The following SATB2 variants were observed in gnomAD, a reference collection of about 807,000 sequenced individuals.
SATB2 encodes SATB homeobox 2, also known as DNA-binding protein SATB2.
A neutral mutation model predicts 73.4 loss-of-function variants in SATB2; 1 was observed. The observed-to-expected ratio is 0.01, with a 90% CI of 0.00 to 0.06. The LOEUF (loss-of-function observed/expected upper bound fraction) is 0.06. SATB2 is among the 10% of genes least tolerant of loss of function. The pLI is 1.00. For synonymous variants in SATB2, 397 were observed against 367.0 expected (o/e 1.08, Z -0.93); for missense variants, 459 against 945.8 (o/e 0.49, Z 6.75).
At chr2:199,363,054 C>T (rs1008336743) in intron 6 of SATB2, among the ~76,000 whole-genome samples, 12 of 152,046 alleles carry the variant, frequency 7.9e-5, no homozygotes, top group Admixed American at 2.6e-4. Flanking sequence ...ATATTCAGCC[C>T]AACAAAGCAG....
chr2:199,321,715 T>C (rs578260358), intron 9 of SATB2, among the ~76,000 whole-genome samples: 2 of 152,218 alleles, frequency 1.3e-5, no homozygotes, highest in South Asian at 4.1e-4. Context: ...TGAATATCTT[T>C]TGTTAAATTG....
chr2:199,380,328 CT>C, intron 5 of SATB2, 35 bp downstream of exon 5: 3 of 1,613,738 alleles, frequency 1.9e-6, no homozygotes, highest in Non-Finnish European at 2.5e-6. Context: ...CCAATGGCTT[CT>C]TCTGTTTCCC....
chr2:199,421,968 T>C (rs188531435), intron 3 of SATB2, among the ~76,000 whole-genome samples: 1 of 152,226 alleles, frequency 6.6e-6, no homozygotes, highest in African/African-American at 2.4e-5. Context: ...GCTGGGTATA[T>C]AGTATCTGCA....
intron 10 of SATB2, among the ~76,000 whole-genome samples, chr2:199,278,938 T>C (rs1054452193): frequency 2.6e-5 from 4 of 152,196 alleles, no homozygotes; most frequent in South Asian, 2.1e-4. Context: ...ATTTATGGAG[T>C]ATCTACAATA....
intron 3 of SATB2, among the ~76,000 whole-genome samples, chr2:199,389,348 G>T (rs1690055803): frequency 6.6e-6 from 1 of 151,930 alleles, no homozygotes; most frequent in Admixed American, 6.6e-5. Flanking sequence ...CAACTGGCTT[G>T]CATTGGGGTA....
At chr2:199,408,715 G>A (rs559316521) in intron 3 of SATB2, among the ~76,000 whole-genome samples, 329 of 151,160 alleles carry the variant, frequency 2.2e-3, no homozygotes, top group African/African-American at 7.8e-3. Flanking sequence ...GGGAGGGCAT[G>A]ATCTTAGTTT....
At chr2:199,292,095 G>A (rs1437382622) in intron 10 of SATB2, among the ~76,000 whole-genome samples, 1 of 151,878 alleles carries the variant, frequency 6.6e-6, no homozygotes, top group Non-Finnish European at 1.5e-5. Context: ...CACTTCATAG[G>A]GCAGAAAGAG....
intron 7 of SATB2, among the ~76,000 whole-genome samples, chr2:199,341,326 C>G (rs1688499992): frequency 6.6e-6 from 1 of 152,194 alleles, no homozygotes; most frequent in Non-Finnish European, 1.5e-5. Context: ...AAACCTGATA[C>G]AGCTGCTTAT....
At chr2:199,413,005 CAG>C (rs1266903596) in intron 3 of SATB2, among the ~76,000 whole-genome samples, 1 of 152,140 alleles carries the variant, frequency 6.6e-6, no homozygotes, top group East Asian at 1.9e-4. Flanking sequence ...TAGTTGGTAA[CAG>C]AAAACACCAG....
At chr2:199,332,592 T>C (rs899583159) in intron 7 of SATB2, among the ~76,000 whole-genome samples, 1 of 152,166 alleles carries the variant, frequency 6.6e-6, no homozygotes, top group Non-Finnish European at 1.5e-5. Context: ...TTGAGGCTAA[T>C]TTTTAAATGA....
intron 7 of SATB2, 120 bp from the exon 8 acceptor site, chr2:199,329,030 C>A: frequency 1.3e-6 from 1 of 757,980 alleles, no homozygotes; most frequent in East Asian, 2.7e-5. Flanking sequence ...ATGTCAAGAA[C>A]CTCACACTAA....
chr2:199,452,908 G>A (rs1283895400), intron 2 of SATB2, among the ~76,000 whole-genome samples: 1 of 151,988 alleles, frequency 6.6e-6, no homozygotes. Flanking sequence ...GAAAGACAAA[G>A]CAAAACATCT....
intron 3 of SATB2, among the ~76,000 whole-genome samples, chr2:199,412,319 T>C (rs1690845207): frequency 6.6e-6 from 1 of 152,176 alleles, no homozygotes; most frequent in South Asian, 2.1e-4. Context: ...AGCACTTCTG[T>C]ATTACAAACA....
intron 2 of SATB2, among the ~76,000 whole-genome samples, chr2:199,437,748 T>C (rs1266984570): frequency 2.0e-5 from 3 of 152,248 alleles, no homozygotes; most frequent in Non-Finnish European, 4.4e-5. Context: ...CAATGGAATC[T>C]ATTTGTTTTC....
chr2:199,320,370 G>T (rs1475896961), intron 9 of SATB2, among the ~76,000 whole-genome samples: 4 of 152,046 alleles, frequency 2.6e-5, no homozygotes, highest in Non-Finnish European at 5.9e-5. Flanking sequence ...CACTAAACTG[G>T]TCCTAAATAG....
chr2:199,302,576 C>G (rs1687316060), intron 10 of SATB2, among the ~76,000 whole-genome samples: 1 of 152,172 alleles, frequency 6.6e-6, no homozygotes. Context: ...TCATTTGCAT[C>G]TCTCCTCAGG....
In SATB2 at chr2:199,272,713, A is replaced by AT. The variant is rs1161387095; in HGVS notation, c.1741-42dup. 2 of 1,565,380 alleles carry AT rather than the reference A, an allele frequency of 1.3e-6. No individual in the cohort carries two copies. The highest frequency in any genetic ancestry group is 1.8e-6 in the Non-Finnish European group (2 of 1,135,800). ...GAAAAAAATGAACACTGGACTCATG[A>AT]TTTTACCTTTCCAAAACCATCAGCC... On this transcript the variant is annotated intron_variant, in intron 10 of 10. Coordinates refer to ENST00000417098, the MANE Select transcript of SATB2 (RefSeq NM_001172509.2). The surrounding 1 kb of genome is among the most constrained non-coding windows in gnomAD (Gnocchi z 6.7).
chr2:199,293,423 G>A (rs978979582), intron 10 of SATB2, among the ~76,000 whole-genome samples: 3 of 151,936 alleles, frequency 2.0e-5, no homozygotes, highest in South Asian at 4.1e-4. Context: ...AAAAGGTATC[G>A]AATGTTTGAC....
chr2:199,370,256 T>C (rs934707441), intron 5 of SATB2, among the ~76,000 whole-genome samples: 24 of 152,206 alleles, frequency 1.6e-4, no homozygotes, highest in African/African-American at 5.3e-4. Context: ...CATTTTTTTT[T>C]TTTTCTATCT....
Sources: allele counts gnomAD v4.1 joint callset (sites outside exome capture counted in the v4.1 genomes callset), GRCh38; gene constraint gnomAD v4.1.1; non-coding constraint Gnocchi (gnomAD v3.1); transcripts MANE v1.5; gene names NCBI Gene and HGNC (gene_info 2026-07-23, HGNC 2026-07-21).